Variants in PSD3 observed in about 807,000 individuals in gnomAD.
PSD3 encodes pleckstrin and Sec7 domain containing 3.
A neutral mutation model predicts 105.5 loss-of-function variants in PSD3; 49 were observed. The observed-to-expected ratio is 0.46, with a 90% confidence interval of 0.37 to 0.59. The LOEUF (loss-of-function observed/expected upper bound fraction) is 0.59. Among genes scored for constraint, PSD3 ranks in the 20% least tolerant of loss-of-function variants. The pLI, the probability that PSD3 is intolerant of heterozygous loss-of-function variation, is 0.00. For synonymous variants in PSD3, 557 were observed against 457.8 expected (o/e 1.22, Z -2.77); for missense variants, 1,561 against 1,263.8 (o/e 1.24, Z -3.57).
intron 11 of PSD3, among the ~76,000 whole-genome samples, chr8:18,619,287 A>G (rs1285138263): frequency 6.6e-6 from 1 of 152,176 alleles, no homozygotes; most frequent in African/African-American, 2.4e-5. Flanking sequence ...TTACGGTTAA[A>G]ATGCAGATCA....
At chr8:18,958,442 A>C (rs959214849) in intron 1 of PSD3, among the ~76,000 whole-genome samples, 1 of 152,250 alleles carries the variant, frequency 6.6e-6, no homozygotes, top group South Asian at 2.1e-4. Flanking sequence ...GGGAATATCT[A>C]TTTATTTACT....
intron 10 of PSD3, 101 bp downstream of exon 10, chr8:18,655,541 A>G: frequency 1.8e-6 from 2 of 1,089,612 alleles, no homozygotes; most frequent in East Asian, 2.4e-5. Context: ...AGAATTGGCA[A>G]TGCATATTTA....
rs115780019 is a variant in PSD3 at position 18,575,771 on chromosome 8, G to A, written c.2482-486C>T. Among the ~76,000 whole-genome samples, 374 of 152,186 alleles carry A rather than the reference G, an allele frequency of 2.5e-3. 2 individuals are homozygous for A. The highest frequency in any genetic ancestry group is 8.6e-3 in the African/African-American group (358 of 41,528). On this transcript the variant is annotated intron_variant, in intron 12 of 15. Transcript: ENST00000327040. ...ATATTACATGTTCCTGTTACTTTCTGTTTAGACTAATATTATCAAAAGAAA... is the reference window on the plus strand; with the variant it reads ...ATATTACATGTTCCTGTTACTTTCTATTTAGACTAATATTATCAAAAGAAA...
chr8:18,746,693 C>T (rs1805057950), intron 9 of PSD3, among the ~76,000 whole-genome samples: 1 of 152,234 alleles, frequency 6.6e-6, no homozygotes. Flanking sequence ...AGTTAAAAAA[C>T]TGTTTTTCAA....
intron 1 of PSD3, among the ~76,000 whole-genome samples, chr8:18,954,964 A>T (rs959110268): frequency 3.3e-5 from 5 of 152,222 alleles, no homozygotes; most frequent in African/African-American, 1.2e-4. Context: ...AAGAGATAAC[A>T]TCAAGGTGCA....
chr8:18,644,219 A>G (rs1199235160), intron 10 of PSD3, among the ~76,000 whole-genome samples: 1 of 152,192 alleles, frequency 6.6e-6, no homozygotes, highest in Non-Finnish European at 1.5e-5. Flanking sequence ...ATGCTTTATC[A>G]TTCTTTGTAA....
Position 18,556,350 on chromosome 8 carries a change from C to T in PSD3, c.2787G>A (p.Glu929=). The change falls in exon 15 of 16, where the codon GAG becomes GAA. Residue 929 remains glutamate (E), a splice_region_variant and synonymous_variant. Coordinates refer to ENST00000327040, the MANE Select transcript of PSD3 (RefSeq NM_015310.4). ...LPATTTKLSQ[E]EQLKSHESKL... is the part of the protein sequence containing the mutation. ...TACTTTCATGTGACTTCAGTTGCTCCTCCTGCAGGAAATCATGATGCCATT... is the reference window on the plus strand; with the variant it reads ...TACTTTCATGTGACTTCAGTTGCTCTTCCTGCAGGAAATCATGATGCCATT... 1 of 1,610,928 alleles carries T rather than the reference C, an allele frequency of 6.2e-7. No individual in the cohort carries two copies. Among genetic ancestry groups the T allele is most frequent in the Non-Finnish European group, 8.5e-7 (1 of 1,178,950 alleles).
intron 12 of PSD3, among the ~76,000 whole-genome samples, chr8:18,577,886 T>C (rs536651558): frequency 6.6e-6 from 1 of 152,234 alleles, no homozygotes; most frequent in Admixed American, 6.5e-5. Context: ...TTTTCCATCT[T>C]GACCTCTCTC....
chr8:18,623,429 T>C (rs1318705520), intron 11 of PSD3, among the ~76,000 whole-genome samples: 1 of 109,480 alleles, frequency 9.1e-6, no homozygotes, highest in Non-Finnish European at 1.7e-5. Flanking sequence ...CTGGGCAATA[T>C]AGTCAGCCCC....
intron 4 of PSD3, among the ~76,000 whole-genome samples, chr8:18,852,817 G>A (rs149664652): frequency 1.2e-4 from 18 of 152,258 alleles, no homozygotes; most frequent in African/African-American, 4.1e-4. Flanking sequence ...CAATTTAAAC[G>A]TCATAATAGC....
intron 9 of PSD3, among the ~76,000 whole-genome samples, chr8:18,664,342 T>C (rs1480325603): frequency 2.6e-5 from 4 of 152,212 alleles, no homozygotes; most frequent in African/African-American, 4.8e-5. Context: ...AACAGCTTTA[T>C]TGCTGATATG....
intron 2 of PSD3, among the ~76,000 whole-genome samples, chr8:18,874,305 G>A (rs571485636): frequency 4.9e-4 from 75 of 151,958 alleles, no homozygotes; most frequent in Non-Finnish European, 8.4e-4. Context: ...GGGACTACAG[G>A]TGCGTGCCAC....
At chr8:19,046,857 T>TA (rs1196256117) in intron 1 of PSD3, among the ~76,000 whole-genome samples, 9 of 151,994 alleles carry the variant, frequency 5.9e-5, no homozygotes, top group Admixed American at 2.0e-4. Flanking sequence ...TGTCCTGCAG[T>TA]GAAAAAAAGG....
intron 2 of PSD3, among the ~76,000 whole-genome samples, chr8:18,920,017 T>TAAAAAAAAAAAAAAAAATA (rs11288084): frequency 1.7e-5 from 2 of 114,618 alleles, no homozygotes; most frequent in African/African-American, 6.1e-5. Context: ...ATAAATAAAT[T>TAAAAAAAAAAAAAAAAATA]AAAAAAAAAA....
chr8:18,624,214 T>C (rs1207478513), intron 11 of PSD3, among the ~76,000 whole-genome samples: 1 of 152,146 alleles, frequency 6.6e-6, no homozygotes, highest in African/African-American at 2.4e-5. Context: ...ATGATACCAC[T>C]AATACTTTTG....
chr8:18,651,012 T>C (rs1396374892), intron 10 of PSD3, among the ~76,000 whole-genome samples: 1 of 152,174 alleles, frequency 6.6e-6, no homozygotes, highest in Non-Finnish European at 1.5e-5. Flanking sequence ...TCCTCATATA[T>C]AAAGTAACAA....
intron 1 of PSD3, among the ~76,000 whole-genome samples, chr8:18,936,963 T>G (rs1174250572): frequency 6.6e-6 from 1 of 152,204 alleles, no homozygotes; most frequent in Non-Finnish European, 1.5e-5. Context: ...GGAACAGAAC[T>G]GCCAGGCATC....
intron 1 of PSD3, among the ~76,000 whole-genome samples, chr8:19,002,216 T>G (rs1213089844): frequency 6.6e-6 from 1 of 151,970 alleles, no homozygotes; most frequent in Non-Finnish European, 1.5e-5. Flanking sequence ...ATCTCTATCT[T>G]CAAGCAAAAT....
chr8:18,882,626 T>G (rs1049052541), intron 2 of PSD3, among the ~76,000 whole-genome samples: 1 of 152,200 alleles, frequency 6.6e-6, no homozygotes, highest in African/African-American at 2.4e-5. Flanking sequence ...CCATTAAGTA[T>G]AAATTTCTCA....
Sources: allele counts gnomAD v4.1 joint callset (sites outside exome capture counted in the v4.1 genomes callset), GRCh38; gene constraint gnomAD v4.1.1; transcripts MANE v1.5; gene names NCBI Gene and HGNC (gene_info 2026-07-23, HGNC 2026-07-21).